SH2D5: variants seen among roughly 807,000 people sequenced by gnomAD.
SH2D5 encodes SH2 domain-containing protein 5.
In SH2D5, 45 loss-of-function variants were observed where a neutral mutation model predicts 48.2. The observed-to-expected ratio is 0.93, with a 90% CI of 0.73 to 1.20. The LOEUF (loss-of-function observed/expected upper bound fraction) is 1.20, where lower values mean the gene tolerates loss of function less well. Ranked by LOEUF, SH2D5 falls within the 50% of genes most tolerant of loss-of-function variation. The probability of loss-of-function intolerance (pLI) is 0.00; values close to 1 mark genes in which losing one functional copy is unlikely to be tolerated. For missense variants in SH2D5, 538 were observed against 584.1 expected (o/e 0.92, Z 0.81); for synonymous variants, 230 against 249.8 (o/e 0.92, Z 0.75).
chr1:20,728,184 A>C lies in SH2D5; in HGVS notation c.-42-98T>G, dbSNP rs1336789228. 5 of 640,298 alleles carry C rather than the reference A, an allele frequency of 7.8e-6. No individual in the cohort carries two copies. Among genetic ancestry groups the C allele is most frequent in the Non-Finnish European group, 1.4e-5 (5 of 368,448 alleles). 39.7% of individuals were successfully genotyped at this position (640,298 alleles called of 1,614,324 possible). On this transcript the variant is annotated intron_variant, in intron 1 of 9. Coordinates refer to ENST00000444387, the MANE Select transcript of SH2D5 (RefSeq NM_001103161.2). This position sits in a 1 kb window ranked among gnomAD's most constrained non-coding sequence, Gnocchi z 4.3. ...TTCACTGGCTTCCTGAGCAGCTGCT[A>C]TGTGTGCAGCACGGCTGCGCAATGT...
chr1:20,723,983 C>T (rs2054741617), intron 7 of SH2D5, 100 bp downstream of exon 7: 1 of 1,463,228 alleles, frequency 6.8e-7, no homozygotes, highest in Non-Finnish European at 9.3e-7. Flanking sequence ...GCGGCCACAG[C>T]CTTGCAGGAA....
chr1:20,722,972 T>A, intron 8 of SH2D5, 57 bp from the exon 9 acceptor site: 1 of 1,425,288 alleles, frequency 7.0e-7, no homozygotes, highest in African/African-American at 1.4e-5. Context: ...GCAATGGTCA[T>A]GAGGACCCCA....
Position 20,720,804 on chromosome 1 carries a change from G to C in SH2D5, c.*988C>G, listed in dbSNP as rs913370268. On this transcript the variant is annotated 3_prime_UTR_variant, in exon 10 of 10. Transcript: ENST00000444387. ...CCATTCCCAGTGGGGCTGGCCTGGT[G>C]AGGCAAGGTGGCCCCTGACAGCCAC... The C allele has an allele frequency of 3.3e-5, 5 of 152,234 alleles. No homozygotes were observed. The highest frequency in any genetic ancestry group is 4.8e-5 in the African/African-American group (2 of 41,464). The allele number at this position is 152,234 out of a possible 1,614,324, so 9.4% of individuals were successfully genotyped here.
Position 20,721,856 on chromosome 1 carries a change from G to A in SH2D5, c.1208C>T (p.Pro403Leu), listed in dbSNP as rs771735243. 116 of 1,612,120 alleles carry A rather than the reference G, an allele frequency of 7.2e-5. 1 individual carries two copies. The highest frequency in any genetic ancestry group is 3.4e-4 in the South Asian group (31 of 90,918). Reference protein sequence around the residue: ...EEQDCGPPGRPPRTLRPLSHA... With the variant: ...EEQDCGPPGRLPRTLRPLSHA... ...GCTGAGGGGCCGGAGAGTCCGGGGC[G>A]GCCTGCCTGGGGGCCCACAGTCCTG... The change falls in exon 10 of 10, where the codon CCG (proline) becomes CTG (leucine). Residue 403 changes from proline (P) to leucine (L), a missense_variant. Coordinates refer to ENST00000444387, the MANE Select transcript of SH2D5 (RefSeq NM_001103161.2).
Position 20,719,883 on chromosome 1 carries a change from A to G in SH2D5, c.*1909T>C, listed in dbSNP as rs1557612691. On this transcript the variant is annotated 3_prime_UTR_variant, in exon 10 of 10. Transcript: ENST00000444387. The stretch of plus-strand genomic sequence containing the variant: ...CCAAAAACCTTGCCCTCTCTGTAAC[A>G]CGAGATCAATCTATGCTGGCTGGAG... 1 of 152,202 alleles carries G rather than the reference A, an allele frequency of 6.6e-6. No homozygotes were observed. The highest frequency in any genetic ancestry group is 2.4e-5 in the African/African-American group (1 of 41,438). The allele number at this position is 152,202 out of a possible 1,614,324, so 9.4% of individuals were successfully genotyped here. A position where few individuals can be genotyped will look rare whatever the true frequency, so the allele number is the denominator to read the frequency against.
At position 20,729,466 on chromosome 1, in the gene SH2D5, T is replaced by C. The variant is rs980791655; in HGVS notation, c.-42-1380A>G. Among the ~76,000 whole-genome samples, 8 of 152,186 alleles carry C rather than the reference T, an allele frequency of 5.3e-5. No homozygotes were observed. The East Asian group carries it at 1.6e-3, about 30-fold the overall frequency. ...AACCTGGGATCATGTGAGGAGTAGA[T>C]GGGGACAGAATGGAGGAGGCAGCGC... On this transcript the variant is annotated intron_variant, in intron 1 of 9. Coordinates refer to ENST00000444387, the MANE Select transcript of SH2D5 (RefSeq NM_001103161.2). The surrounding 1 kb of genome is among the most constrained non-coding windows in gnomAD (Gnocchi z 4.2).
intron 5 of SH2D5, among the ~76,000 whole-genome samples, chr1:20,725,193 C>T (rs756812252): frequency 6.6e-6 from 1 of 152,260 alleles, no homozygotes; most frequent in Non-Finnish European, 1.5e-5. Flanking sequence ...AACCGCCACA[C>T]ACACCATCCA....
intron 9 of SH2D5, among the ~76,000 whole-genome samples, chr1:20,722,367 G>A (rs2054703533): frequency 6.6e-6 from 1 of 152,182 alleles, no homozygotes; most frequent in South Asian, 2.1e-4. Flanking sequence ...GGAAAGCCAG[G>A]ATTCCTGTAG....
intron 3 of SH2D5, 137 bp from the exon 4 acceptor site, chr1:20,727,212 AC>A (rs1262555096): frequency 2.6e-5 from 19 of 732,164 alleles, no homozygotes; most frequent in Non-Finnish European, 3.9e-5. Context: ...TGGCTGGTGG[AC>A]CCCCCTGGCG....
At chr1:20,727,365 G>T (rs1013132379) in intron 3 of SH2D5, 158 bp downstream of exon 3, 2 of 751,446 alleles carry the variant, frequency 2.7e-6, no homozygotes, top group Non-Finnish European at 4.4e-6. Context: ...AAGGGATGGG[G>T]CCCCTGGAGC....
intron 5 of SH2D5, 64 bp downstream of exon 5, chr1:20,725,856 C>G: frequency 6.3e-7 from 1 of 1,588,550 alleles, no homozygotes; most frequent in East Asian, 2.2e-5. Flanking sequence ...AGGAACCCAC[C>G]CTGATGCCTG....
In SH2D5 at chr1:20,732,534, C is replaced by T. The variant is rs762294338; in HGVS notation, c.-396G>A. 1 of 152,354 alleles carries T rather than the reference C, an allele frequency of 6.6e-6. No individual in the cohort carries two copies. Among genetic ancestry groups the T allele is most frequent in the Non-Finnish European group, 1.5e-5 (1 of 68,120 alleles). 9.4% of individuals were successfully genotyped at this position (152,354 alleles called of 1,614,324 possible). On this transcript the variant is annotated 5_prime_UTR_variant, in exon 1 of 10. Transcript: ENST00000444387. The surrounding 1 kb of genome is among the most constrained non-coding windows in gnomAD (Gnocchi z 5.1). Reference sequence around the variant, plus strand: ...CTCGCCTGTCATCCCTCTCCTCTTACTCGAGGACAAGTGACACTGGACCGG... The same window carrying T: ...CTCGCCTGTCATCCCTCTCCTCTTATTCGAGGACAAGTGACACTGGACCGG...
In SH2D5 at chr1:20,729,900, C is replaced by A. The variant is rs1053053926; in HGVS notation, c.-42-1814G>T. 3.3e-5 allele frequency among the ~76,000 whole-genome samples: 5 copies of A among 152,248 alleles called. No homozygotes were observed. The highest frequency in any genetic ancestry group is 7.3e-5 in the Non-Finnish European group (5 of 68,040). ...AGAATTCCTGGCGCTCCCTCCTATC[C>A]TGGCTGCCCTCCTGCTTTTCTGGGC... is the stretch of plus-strand genomic sequence containing the variant. On this transcript the variant is annotated intron_variant, in intron 1 of 9. Transcript: ENST00000444387. The surrounding 1 kb of genome is among the most constrained non-coding windows in gnomAD (Gnocchi z 4.2).
chr1:20,727,845 A>T, intron 2 of SH2D5, 113 bp downstream of exon 2: 2 of 985,498 alleles, frequency 2.0e-6, no homozygotes, highest in East Asian at 2.6e-5. Flanking sequence ...AGCCCAAGTC[A>T]GGCAAGAAAG....
At position 20,728,329 on chromosome 1, in the gene SH2D5, C is replaced by T. The variant is rs150214494; in HGVS notation, c.-42-243G>A. On this transcript the variant is annotated intron_variant, in intron 1 of 9. Coordinates refer to ENST00000444387, the MANE Select transcript of SH2D5 (RefSeq NM_001103161.2). The surrounding 1 kb of genome is among the most constrained non-coding windows in gnomAD (Gnocchi z 4.3). Reference sequence around the variant, plus strand: ...GAACTAAATAGTAAGATAGATCATACGTGAGATGGGGATGGAGCAGGGAGG... The same window carrying T: ...GAACTAAATAGTAAGATAGATCATATGTGAGATGGGGATGGAGCAGGGAGG... 3.3e-5 allele frequency among the ~76,000 whole-genome samples: 5 copies of T among 152,132 alleles called. No individual in the cohort carries two copies. The highest frequency in any genetic ancestry group is 9.7e-5 in the African/African-American group (4 of 41,428).
At position 20,726,023 on chromosome 1, in the gene SH2D5, G is replaced by A. The variant is rs776277626; in HGVS notation, c.287C>T (p.Thr96Ile). 6.2e-7 allele frequency: 1 copy of A among 1,611,412 alleles called. No individual in the cohort carries two copies. The highest frequency in any genetic ancestry group is 8.5e-7 in the Non-Finnish European group (1 of 1,179,158). ...AAACTGGCAGTCGGCAGGGCACCAG[G>A]TGGAGTAGAGTATGCGCCTCAGGGC... The part of the protein sequence containing the change: ...AHALRRILYS[T>I]WCPADCQFAF... The change falls in exon 5 of 10, where the codon ACC (threonine) becomes ATC (isoleucine). Residue 96 changes from threonine to isoleucine, a missense_variant. By Grantham distance (89) the Thr-to-Ile change is moderately conservative (BLOSUM62 -1). Transcript: ENST00000444387.
rs771036955 is a variant in SH2D5, at chr1:20,724,383, G to C, written c.630+13C>G. 13 of 1,611,220 alleles carry C rather than the reference G, an allele frequency of 8.1e-6. No individual in the cohort carries two copies. Among genetic ancestry groups the C allele is most frequent in the Non-Finnish European group, 1.1e-5 (13 of 1,178,896 alleles). ...TTGTCCACTGCCCACTCCTTGGCTG[G>C]GGTGCTGCGTACCCCACTGCCCACC... On this transcript the variant is annotated intron_variant, in intron 6 of 9. Transcript: ENST00000444387.
In SH2D5 at chr1:20,728,106, A is replaced by T; in HGVS notation, c.-42-20T>A. ...GGGAGGCTGCAAAGGGCAGGGGGGG[A>T]AGGGCTGCTTTCGAGGCAGGCAAGC... is the stretch of plus-strand genomic sequence containing the variant. On this transcript the variant is annotated intron_variant, in intron 1 of 9. Transcript: ENST00000444387. The surrounding 1 kb of genome is among the most constrained non-coding windows in gnomAD (Gnocchi z 4.3). The T allele has an allele frequency of 8.1e-7, 1 of 1,240,844 alleles. No individual in the cohort carries two copies. The highest frequency in any genetic ancestry group is 1.1e-6 in the Non-Finnish European group (1 of 885,528). The allele number at this position is 1,240,844 out of a possible 1,614,324, so 76.9% of individuals were successfully genotyped here. A position where few individuals can be genotyped will look rare whatever the true frequency, so the allele number is the denominator to read the frequency against.
chr1:20,719,976 A>G lies in SH2D5; in HGVS notation c.*1816T>C, dbSNP rs928984175. On this transcript the variant is annotated 3_prime_UTR_variant, in exon 10 of 10. Transcript: ENST00000444387. Reference sequence around the variant, plus strand: ...TAAACATGGCCCTGATAGCTTCTCCACACAGGTAATTCACCAGTAAAACCC... The same window carrying G: ...TAAACATGGCCCTGATAGCTTCTCCGCACAGGTAATTCACCAGTAAAACCC... 1 of 152,218 alleles carries G rather than the reference A, an allele frequency of 6.6e-6. No individual in the cohort carries two copies. Among genetic ancestry groups the G allele is most frequent in the Middle Eastern group, 3.2e-3 (1 of 316 alleles). The allele number at this position is 152,218 out of a possible 1,614,324, so 9.4% of individuals were successfully genotyped here.
Sources: gnomAD v4.1 joint callset for allele counts (sites outside exome capture counted in the v4.1 genomes callset) on GRCh38, gnomAD v4.1.1 for gene constraint, Gnocchi (gnomAD v3.1) non-coding constraint, MANE v1.5 for transcripts, NCBI Gene and HGNC (gene_info 2026-07-23, HGNC 2026-07-21) for gene names.